Variants in USH2A observed in about 807,000 individuals in gnomAD.
The protein encoded by USH2A is Usher syndrome 2A (autosomal recessive, mild).
In USH2A, 443 loss-of-function variants were observed where a neutral mutation model predicts 538.9. That is an observed-to-expected ratio of 0.82 (90% CI 0.76 to 0.89). The LOEUF (loss-of-function observed/expected upper bound fraction) is 0.89. Ranked by LOEUF, USH2A falls within the 40% of genes least tolerant of loss-of-function variation. The pLI is 0.00. For synonymous variants in USH2A, 2,413 were observed against 2,273.5 expected (o/e 1.06, Z -1.75); for missense variants, 6,633 against 6,324.8 (o/e 1.05, Z -1.65).
chr1:215,856,832 GGTGTGTGTGTGTGTGTGTGTGTGTGT>G (rs71159889), intron 44 of USH2A, among the ~76,000 whole-genome samples: 2 of 141,896 alleles, frequency 1.4e-5, no homozygotes, highest in African/African-American at 5.2e-5. Flanking sequence ...AAAAAAATTT[GGTGTGTGTGTGTGTGTGTGTGTGTGT>G]GTGTGTGTGT....
intron 21 of USH2A, among the ~76,000 whole-genome samples, chr1:216,168,571 TA>T (rs1443534308): frequency 6.6e-6 from 1 of 152,126 alleles, no homozygotes; most frequent in Non-Finnish European, 1.5e-5. Context: ...GCCTTTTCCC[TA>T]AATAGACCCC....
Position 215,838,037 on chromosome 1 carries a change from T to A in USH2A, c.9325A>T (p.Thr3109Ser). The part of the protein sequence containing the change: ...NGTQITTVED[T>S]PSDIPTPTIR... ...GTGGGTGTTGGTATATCACTTGGAG[T>A]GTCTTCCACAGTGGTAATTTGGGTT... Residue 3109 changes from threonine (T) to serine (S), a missense_variant, in exon 47 of 72, where the codon ACT (threonine) becomes TCT (serine). Coordinates refer to ENST00000307340, the MANE Select transcript of USH2A (RefSeq NM_206933.4). 3 of 1,614,034 alleles carry A rather than the reference T, an allele frequency of 1.9e-6. No homozygotes were observed. The highest frequency in any genetic ancestry group is 2.5e-6 in the Non-Finnish European group (3 of 1,179,940).
At chr1:215,627,437 C>CTTCT (rs1222011734) in intron 71 of USH2A, among the ~76,000 whole-genome samples, 4,342 of 50,086 alleles carry the variant, frequency 0.087, 296 homozygotes, top group South Asian at 0.13. Flanking sequence ...TCCTTCCTTC[C>CTTCT]TTCCTTCCTT....
intron 38 of USH2A, among the ~76,000 whole-genome samples, chr1:215,918,842 T>C (rs1027740215): frequency 1.3e-5 from 2 of 152,132 alleles, no homozygotes; most frequent in Non-Finnish European, 2.9e-5. Flanking sequence ...TCAGTGATAG[T>C]TATTTGTTTC....
At chr1:216,133,029 T>C (rs956449553) in intron 21 of USH2A, among the ~76,000 whole-genome samples, 2 of 152,122 alleles carry the variant, frequency 1.3e-5, no homozygotes, top group African/African-American at 4.8e-5. Context: ...AGTGCAATGT[T>C]AAAATAAGTG....
Position 215,808,518 on chromosome 1 carries a change from C to T in USH2A, c.9739+5218G>A, listed in dbSNP as rs147095557. On this transcript the variant is annotated intron_variant, in intron 49 of 71. Transcript: ENST00000307340. ...TCCATGAATTTTAATGAAGAAACACCATCAGGATACAAAAGAGTTTCATCA... is the reference window on the plus strand; with the variant it reads ...TCCATGAATTTTAATGAAGAAACACTATCAGGATACAAAAGAGTTTCATCA... Among the ~76,000 whole-genome samples the T allele has an allele frequency of 2.1e-4, 32 of 152,022 alleles. 1 individual carries two copies. The South Asian group carries it at 5.6e-3, about 27-fold the overall frequency.
intron 40 of USH2A, among the ~76,000 whole-genome samples, chr1:215,895,047 A>G (rs753165083): frequency 6.6e-6 from 1 of 151,694 alleles, no homozygotes; most frequent in Admixed American, 6.6e-5. Flanking sequence ...CAGCTCTTTC[A>G]CTCTAACTAT....
At chr1:216,038,985 T>A (rs111514164) in intron 32 of USH2A, among the ~76,000 whole-genome samples, 2 of 152,064 alleles carry the variant, frequency 1.3e-5, no homozygotes, top group Non-Finnish European at 2.9e-5. Flanking sequence ...GATCATATAA[T>A]ATTTGGGTAC....
intron 40 of USH2A, among the ~76,000 whole-genome samples, chr1:215,893,933 T>G (rs1665264866): frequency 6.6e-6 from 1 of 152,192 alleles, no homozygotes; most frequent in Non-Finnish European, 1.5e-5. Flanking sequence ...TTGTTAATTC[T>G]GAAAATTCAG....
intron 50 of USH2A, among the ~76,000 whole-genome samples, chr1:215,793,208 T>A (rs1166673418): frequency 6.6e-6 from 1 of 152,158 alleles, no homozygotes; most frequent in Non-Finnish European, 1.5e-5. Flanking sequence ...ACTGCAAAAC[T>A]GGGATTCCAC....
At chr1:216,186,110 CA>C (rs2034595536) in intron 20 of USH2A, among the ~76,000 whole-genome samples, 1 of 148,956 alleles carries the variant, frequency 6.7e-6, no homozygotes, top group African/African-American at 2.5e-5. Flanking sequence ...CAGAAAAAAA[CA>C]AACACTAAAA....
chr1:216,375,556 A>G (rs1238621511), intron 3 of USH2A, among the ~76,000 whole-genome samples: 4 of 152,204 alleles, frequency 2.6e-5, no homozygotes, highest in Admixed American at 2.0e-4. Flanking sequence ...TTGGTTTAAG[A>G]GAATATTGTA....
intron 11 of USH2A, among the ~76,000 whole-genome samples, chr1:216,270,250 T>C (rs1318611691): frequency 7.9e-5 from 12 of 152,094 alleles, no homozygotes; most frequent in Admixed American, 6.6e-4. Flanking sequence ...TGAGGCAATG[T>C]TGATATTGCT....
intron 58 of USH2A, among the ~76,000 whole-genome samples, chr1:215,755,162 T>C (rs1173590706): frequency 6.6e-6 from 1 of 152,214 alleles, no homozygotes; most frequent in African/African-American, 2.4e-5. Flanking sequence ...TAAAAAGCTC[T>C]AGATTTCTTG....
At chr1:215,974,276 C>T (rs1255541130) in intron 35 of USH2A, among the ~76,000 whole-genome samples, 1 of 152,114 alleles carries the variant, frequency 6.6e-6, no homozygotes, top group African/African-American at 2.4e-5. Context: ...ATGTAGTGGA[C>T]ATTTTAAACT....
At chr1:215,985,091 C>T (rs1667841529) in intron 35 of USH2A, among the ~76,000 whole-genome samples, 1 of 152,194 alleles carries the variant, frequency 6.6e-6, no homozygotes, top group Non-Finnish European at 1.5e-5. Flanking sequence ...AGCAGTTTTC[C>T]TAAGTGATTC....
intron 50 of USH2A, 48 bp from the exon 51 acceptor site, chr1:215,790,330 G>T: frequency 6.3e-7 from 1 of 1,596,992 alleles, no homozygotes; most frequent in Non-Finnish European, 8.6e-7. Context: ...AAAAAGGGAA[G>T]AAAACTGAGG....
At chr1:215,743,398 G>GTT in intron 58 of USH2A, 63 bp from the exon 59 acceptor site, 1 of 429,100 alleles carries the variant, frequency 2.3e-6, no homozygotes, top group Non-Finnish European at 3.6e-6. Context: ...GTGTGTGTGT[G>GTT]TGTGTGTGTG....
chr1:216,097,364 G>A, intron 21 of USH2A, 151 bp from the exon 22 acceptor site: 1 of 1,349,532 alleles, frequency 7.4e-7, no homozygotes, highest in Non-Finnish European at 1.0e-6. Flanking sequence ...TAGGCCATTT[G>A]GTTTTAAATA....
Sources: allele counts gnomAD v4.1 joint callset (sites outside exome capture counted in the v4.1 genomes callset), GRCh38; gene constraint gnomAD v4.1.1; transcripts MANE v1.5; gene names NCBI Gene and HGNC (gene_info 2026-07-23, HGNC 2026-07-21).